CDK5RAP2: variants seen among roughly 807,000 people sequenced by gnomAD.
CDK5RAP2 encodes the protein CDK5 regulatory subunit-associated protein 2.
Under a neutral mutation model 232.9 loss-of-function variants are expected in CDK5RAP2, and 147 were observed. That is an observed-to-expected ratio of 0.63 (90% confidence interval 0.55 to 0.72). The LOEUF is 0.72. Among genes scored for constraint, CDK5RAP2 ranks in the 30% least tolerant of loss-of-function variants. The pLI, the probability that CDK5RAP2 is intolerant of heterozygous loss-of-function variation, is 0.00. For missense variants in CDK5RAP2, 2,195 were observed against 2,231.5 expected (o/e 0.98, Z 0.33); for synonymous variants, 833 against 833.7 (o/e 1.00, Z 0.01).
chr9:120,407,178 C>G lies in CDK5RAP2; in HGVS notation c.4797G>C (p.Gln1599His). Residue 1599 changes from glutamine to histidine, a missense_variant, in exon 32 of 38, where the codon CAG becomes CAC. By Grantham distance (24) the Gln-to-His change is conservative (BLOSUM62 0). Transcript: ENST00000349780. ...TCCTTTCTAGTTGCAAGCGCAGAGC[C>G]TGGATCTCCATCAGGAGGCTGTGCA... ...RDLHSLLMEI[Q>H]ALRLQLERSI... is the part of the protein sequence containing the mutation. 6.2e-7 allele frequency: 1 copy of G among 1,613,962 alleles called. No individual in the cohort carries two copies. The highest frequency in any genetic ancestry group is 1.1e-5 in the South Asian group (1 of 91,086).
chr9:120,561,494 C>G (rs2042463673), intron 3 of CDK5RAP2, among the ~76,000 whole-genome samples: 1 of 151,890 alleles, frequency 6.6e-6, no homozygotes, highest in Admixed American at 6.6e-5. Context: ...GAAATGGGGT[C>G]TCACTTTGTG....
chr9:120,448,208 T>C, intron 21 of CDK5RAP2, 82 bp from the exon 22 acceptor site: 7 of 1,212,020 alleles, frequency 5.8e-6, no homozygotes, highest in Non-Finnish European at 8.6e-6. Flanking sequence ...ATGCCAGCCT[T>C]ATAAAACGGA....
intron 7 of CDK5RAP2, among the ~76,000 whole-genome samples, chr9:120,534,850 G>A (rs879450599): frequency 6.6e-6 from 1 of 152,194 alleles, no homozygotes; most frequent in African/African-American, 2.4e-5. Context: ...AGGAAGACAA[G>A]CCCATAAGCC....
At chr9:120,567,710 G>A (rs2042697584) in intron 3 of CDK5RAP2, among the ~76,000 whole-genome samples, 1 of 152,186 alleles carries the variant, frequency 6.6e-6, no homozygotes, top group Non-Finnish European at 1.5e-5. Context: ...ACTAGGTACA[G>A]GCTACTCACA....
chr9:120,413,807 CGAGGAGGGAGGAGGGAGGAGG>C lies in CDK5RAP2; in HGVS notation c.4297+1212_4297+1232del, dbSNP rs547383691. 6.3e-5 allele frequency among the ~76,000 whole-genome samples: 7 copies of C among 111,964 alleles called. No individual in the cohort carries two copies. The East Asian group carries it at 9.9e-4, about 16-fold the overall frequency. The allele number at this position is 111,964 out of a possible 152,430, so 73.5% of individuals were successfully genotyped here. ...ATATGCAGGAAATGGGCGCAGTGAGCGAGGAGGGAGGAGGGAGGAGGGAGGAGGGAGGAGGGAAGGAGGAGG... is the reference window on the plus strand; with the variant it reads ...ATATGCAGGAAATGGGCGCAGTGAGCGAGGAGGGAGGAGGGAAGGAGGAGG... On this transcript the variant is annotated intron_variant, in intron 28 of 37. Transcript: ENST00000349780.
chr9:120,454,379 G>A (rs1235795691), intron 20 of CDK5RAP2, among the ~76,000 whole-genome samples: 1 of 152,236 alleles, frequency 6.6e-6, no homozygotes, highest in Admixed American at 6.5e-5. Flanking sequence ...AGGTGTTAAT[G>A]AAGGGATATT....
In CDK5RAP2 at chr9:120,401,083, T is replaced by C. The variant is rs148355757; in HGVS notation, c.5308-198A>G. On this transcript the variant is annotated intron_variant, in intron 34 of 37. Coordinates refer to ENST00000349780, the MANE Select transcript of CDK5RAP2 (RefSeq NM_018249.6). ...GATTATGAGAGAATTTCAGTGGTGA[T>C]CTTAGCCCAATCAATAACCATGATT... The C allele has an allele frequency of 3.3e-6, 2 of 600,254 alleles. 1 individual carries two copies. The highest frequency in any genetic ancestry group is 4.0e-5 in the South Asian group (2 of 50,338). 37.2% of individuals were successfully genotyped at this position (600,254 alleles called of 1,614,324 possible).
intron 28 of CDK5RAP2, among the ~76,000 whole-genome samples, chr9:120,411,896 T>C (rs769339904): frequency 4.6e-5 from 7 of 152,208 alleles, no homozygotes; most frequent in Admixed American, 6.5e-5. Flanking sequence ...CCTCAGGAGA[T>C]GGTATCGCCA....
Position 120,561,322 on chromosome 9 carries a change from G to A in CDK5RAP2, c.195+6999C>T, listed in dbSNP as rs553312760. Among the ~76,000 whole-genome samples the A allele has an allele frequency of 2.6e-5, 4 of 151,622 alleles. No individual in the cohort carries two copies. In the South Asian group the frequency reaches 8.4e-4, roughly 32 times the overall value. On this transcript the variant is annotated intron_variant, in intron 3 of 37. Transcript: ENST00000349780. ...ATAACAGAATTTTTTTTTTAAACAG[G>A]GTCTCTCTCTGTCGCTCAGGCTAGA...
chr9:120,547,990 C>T (rs1466332221), intron 4 of CDK5RAP2, among the ~76,000 whole-genome samples: 2 of 152,330 alleles, frequency 1.3e-5, no homozygotes, highest in Non-Finnish European at 2.9e-5. Context: ...CCTTTCTAAT[C>T]CTCAAGTGTC....
chr9:120,528,820 GT>G (rs761819336), intron 8 of CDK5RAP2, 23 bp from the exon 9 acceptor site: 4 of 1,573,938 alleles, frequency 2.5e-6, no homozygotes, highest in Non-Finnish European at 3.5e-6. Flanking sequence ...ATTAATTGGT[GT>G]GAAGAAGGGA....
At chr9:120,433,964 AC>A (rs780427640) in intron 25 of CDK5RAP2, among the ~76,000 whole-genome samples, 2 of 152,204 alleles carry the variant, frequency 1.3e-5, no homozygotes, top group Non-Finnish European at 2.9e-5. Context: ...ACAGCAACAA[AC>A]ACAACAGACA....
chr9:120,491,260 AT>A (rs1353266250), intron 13 of CDK5RAP2, 46 bp downstream of exon 13: 1 of 1,384,518 alleles, frequency 7.2e-7, no homozygotes, highest in South Asian at 1.2e-5. Context: ...TTTTAAAAAA[AT>A]CAACCCATGC....
At chr9:120,533,776 G>A (rs1224024968) in intron 7 of CDK5RAP2, among the ~76,000 whole-genome samples, 1 of 140,180 alleles carries the variant, frequency 7.1e-6, no homozygotes, top group Non-Finnish European at 1.5e-5. Flanking sequence ...CTAGCCTGGA[G>A]GACAGAGTTA....
At chr9:120,437,591 A>G (rs1203724811) in intron 24 of CDK5RAP2, 64 bp from the exon 25 acceptor site, 2 of 1,175,056 alleles carry the variant, frequency 1.7e-6, no homozygotes, top group Non-Finnish European at 2.6e-6. Flanking sequence ...TGACCTTAAC[A>G]CTAATTGGAA....
chr9:120,496,652 T>C (rs2039270771), intron 12 of CDK5RAP2, among the ~76,000 whole-genome samples: 1 of 135,586 alleles, frequency 7.4e-6, no homozygotes, highest in African/African-American at 2.9e-5. Context: ...GAGGAGCCCC[T>C]CTGCCCGGCC....
intron 12 of CDK5RAP2, among the ~76,000 whole-genome samples, chr9:120,503,780 T>C (rs1451300815): frequency 1.3e-5 from 2 of 152,126 alleles, no homozygotes; most frequent in African/African-American, 4.8e-5. Flanking sequence ...CACCTCTCTC[T>C]GTCCCCACAT....
chr9:120,397,546 AAAAAAAAAAAAAAAAAAAAGAAAAAAG>A (rs1455761882), intron 35 of CDK5RAP2, among the ~76,000 whole-genome samples: 1 of 114,434 alleles, frequency 8.7e-6, no homozygotes. Context: ...AACATTCTTA[AAAAAAAAAAAAAAAAAAAAGAAAAAAG>A]AAAAAAAAAA....
intron 3 of CDK5RAP2, among the ~76,000 whole-genome samples, chr9:120,561,158 T>G (rs1404702923): frequency 1.3e-5 from 2 of 152,170 alleles, no homozygotes; most frequent in African/African-American, 4.8e-5. Context: ...AAGATAATAC[T>G]GCCTACAGCA....
Sources: gnomAD v4.1 joint callset for allele counts (sites outside exome capture counted in the v4.1 genomes callset) on GRCh38, gnomAD v4.1.1 for gene constraint, MANE v1.5 for transcripts, NCBI Gene and HGNC (gene_info 2026-07-23, HGNC 2026-07-21) for gene names.